TAFA2: variants seen among roughly 807,000 people sequenced by gnomAD.
TAFA2 encodes TAFA chemokine like family member 2.
In TAFA2, 7 loss-of-function variants were observed where a neutral mutation model predicts 18.8. That is an observed-to-expected ratio of 0.37 (90% CI 0.21 to 0.70). The LOEUF (loss-of-function observed/expected upper bound fraction) is 0.70. Among genes scored for constraint, TAFA2 ranks in the 30% least tolerant of loss-of-function variants. The pLI is 0.53. For missense variants in TAFA2, 122 were observed against 158.1 expected (o/e 0.77, Z 1.23); for synonymous variants, 60 against 54.2 (o/e 1.11, Z -0.47).
At chr12:62,060,466 C>A (rs532502659) in intron 1 of TAFA2, among the ~76,000 whole-genome samples, 36 of 152,244 alleles carry the variant, frequency 2.4e-4, no homozygotes, top group African/African-American at 8.7e-4. Flanking sequence ...CTTATAAAAG[C>A]GTAGCACATA....
At chr12:61,846,194 A>C in intron 2 of TAFA2, among the ~76,000 whole-genome samples, 1 of 152,198 alleles carries the variant, frequency 6.6e-6, no homozygotes, top group East Asian at 1.9e-4. Context: ...GAGCATCTTC[A>C]TAGGTGCTGT....
intron 1 of TAFA2, among the ~76,000 whole-genome samples, chr12:61,947,613 G>C (rs75307605): frequency 1.3e-5 from 2 of 151,046 alleles, no homozygotes; most frequent in African/African-American, 4.9e-5. Context: ...TTGTTGAAAA[G>C]CCCACTCTAA....
intron 1 of TAFA2, among the ~76,000 whole-genome samples, chr12:62,188,086 A>G (rs2062597752): frequency 6.6e-6 from 1 of 152,170 alleles, no homozygotes; most frequent in Non-Finnish European, 1.5e-5. Context: ...TGGCCTTCAT[A>G]TCTAGCAGCA....
At chr12:61,898,295 G>T (rs1262130941) in intron 1 of TAFA2, among the ~76,000 whole-genome samples, 1 of 152,200 alleles carries the variant, frequency 6.6e-6, no homozygotes, top group Non-Finnish European at 1.5e-5. Context: ...GGGCTCTGGA[G>T]GACAGTGGCC....
At chr12:61,750,969 G>T (rs1044421315) in intron 4 of TAFA2, among the ~76,000 whole-genome samples, 1 of 152,004 alleles carries the variant, frequency 6.6e-6, no homozygotes, top group African/African-American at 2.4e-5. Context: ...TTGGCTCATG[G>T]TGATCACAAC....
intron 1 of TAFA2, among the ~76,000 whole-genome samples, chr12:61,954,397 C>T (rs1038112608): frequency 6.6e-6 from 1 of 152,028 alleles, no homozygotes; most frequent in Non-Finnish European, 1.5e-5. Flanking sequence ...GGGTAGAACG[C>T]TATTATGTAG....
chr12:61,815,014 G>T (rs1223232655), intron 2 of TAFA2, among the ~76,000 whole-genome samples: 1 of 151,516 alleles, frequency 6.6e-6, no homozygotes, highest in Non-Finnish European at 1.5e-5. Flanking sequence ...TAATTAACTT[G>T]TGTTGTTCTA....
intron 1 of TAFA2, among the ~76,000 whole-genome samples, chr12:62,098,283 G>T (rs369525104): frequency 1.6e-3 from 242 of 152,192 alleles, no homozygotes; most frequent in African/African-American, 5.6e-3. Context: ...AGTGGCTGAG[G>T]TTTACCTACC....
In TAFA2 at chr12:61,792,571, C is replaced by T. The variant is rs147865583; in HGVS notation, c.107-37547G>A. ...GAAATTAACTATAAATATGAAGACA[C>T]AAATAGGTTAAAATGATAGAAAAAA... On this transcript the variant is annotated intron_variant, in intron 2 of 4. Coordinates refer to ENST00000416284, the MANE Select transcript of TAFA2 (RefSeq NM_178539.5). Among the ~76,000 whole-genome samples, 323 of 151,364 alleles carry T rather than the reference C, an allele frequency of 2.1e-3. 2 individuals are homozygous for T. Among genetic ancestry groups the T allele is most frequent in the Admixed American group, 3.4e-3 (52 of 15,162 alleles).
chr12:61,843,158 A>G (rs1873258210), intron 2 of TAFA2, among the ~76,000 whole-genome samples: 1 of 152,102 alleles, frequency 6.6e-6, no homozygotes, highest in African/African-American at 2.4e-5. Context: ...CCCTAAAAGC[A>G]TATGGGGAAA....
chr12:61,793,302 T>C (rs1286650279), intron 2 of TAFA2, among the ~76,000 whole-genome samples: 1 of 150,942 alleles, frequency 6.6e-6, no homozygotes, highest in Non-Finnish European at 1.5e-5. Flanking sequence ...ATAGAGAATA[T>C]CAATAAAACC....
intron 1 of TAFA2, among the ~76,000 whole-genome samples, chr12:62,160,513 G>A (rs559726877): frequency 2.6e-5 from 4 of 152,256 alleles, no homozygotes; most frequent in South Asian, 2.1e-4. Flanking sequence ...CCCTTAGCAC[G>A]GTGCCTACGT....
chr12:62,162,713 C>T (rs778350013), intron 1 of TAFA2, among the ~76,000 whole-genome samples: 2 of 152,030 alleles, frequency 1.3e-5, no homozygotes, highest in Non-Finnish European at 2.9e-5. Flanking sequence ...ACTGGGATTC[C>T]CCATTGATAT....
rs554965377 is a variant in TAFA2, at chr12:62,173,716, A to G, written c.-2+17543T>C. Among the ~76,000 whole-genome samples the G allele has an allele frequency of 5.3e-5, 8 of 152,310 alleles. No homozygotes were observed. The South Asian group carries it at 1.7e-3, about 32-fold the overall frequency. ...TGAACCAATGAATGCTAAGTATCAAACAACCTCTAGTGTTGGAAATTCATC... is the reference window on the plus strand; with the variant it reads ...TGAACCAATGAATGCTAAGTATCAAGCAACCTCTAGTGTTGGAAATTCATC... On this transcript the variant is annotated intron_variant, in intron 1 of 4. Transcript: ENST00000416284.
chr12:62,018,205 A>G (rs1252187818), intron 1 of TAFA2, among the ~76,000 whole-genome samples: 4 of 152,180 alleles, frequency 2.6e-5, no homozygotes, highest in Non-Finnish European at 4.4e-5. Flanking sequence ...AATATTTCCC[A>G]TCCCTCCAGG....
intron 1 of TAFA2, among the ~76,000 whole-genome samples, chr12:62,229,929 T>A (rs1038769838): frequency 6.6e-6 from 1 of 152,016 alleles, no homozygotes; most frequent in African/African-American, 2.4e-5. Context: ...TGAGTTCTGG[T>A]TTTCTGTTTC....
At chr12:61,809,095 A>AGTGT (rs1223886955) in intron 2 of TAFA2, among the ~76,000 whole-genome samples, 1 of 151,518 alleles carries the variant, frequency 6.6e-6, no homozygotes, top group African/African-American at 2.5e-5. Flanking sequence ...ATAGCTTGAA[A>AGTGT]GTGTGTGTGC....
chr12:62,125,418 A>G (rs1870410381), intron 1 of TAFA2, among the ~76,000 whole-genome samples: 1 of 152,080 alleles, frequency 6.6e-6, no homozygotes, highest in Non-Finnish European at 1.5e-5. Flanking sequence ...TAGCAATAAC[A>G]TATCTTCATG....
At chr12:61,879,963 TG>T in intron 1 of TAFA2, 2 of 866,160 alleles carry the variant, frequency 2.3e-6, no homozygotes, top group South Asian at 1.3e-5. Context: ...GAGTCTCACC[TG>T]GAAGGGCTGA....
Sources: allele counts gnomAD v4.1 joint callset (sites outside exome capture counted in the v4.1 genomes callset), GRCh38; gene constraint gnomAD v4.1.1; transcripts MANE v1.5; gene names NCBI Gene and HGNC (gene_info 2026-07-23, HGNC 2026-07-21).